EVA1A: variants seen among roughly 807,000 people sequenced by gnomAD.
EVA1A encodes the protein eva-1 homolog A, regulator of programmed cell death.
Under a neutral mutation model 9.8 loss-of-function variants are expected in EVA1A, and 7 were observed. The observed-to-expected ratio is 0.71, with a 90% CI of 0.41 to 1.34. The LOEUF is 1.34. Ranked by LOEUF, EVA1A falls within the 40% of genes most tolerant of loss-of-function variation. The pLI, the probability that EVA1A is intolerant of heterozygous loss-of-function variation, is 0.01. For synonymous variants in EVA1A, 90 were observed against 85.6 expected, an observed-to-expected ratio of 1.05 and a Z score of -0.28; for missense variants, 206 against 205.9, an observed-to-expected ratio of 1.00 and a Z score of 0.00.
At chr2:75,534,715 ACT>A (rs779812381) in intron 1 of EVA1A, among the ~76,000 whole-genome samples, 1 of 151,948 alleles carries the variant, frequency 6.6e-6, no homozygotes, top group Non-Finnish European at 1.5e-5. Context: ...GTTGTTTGTT[ACT>A]CTGTTAATAT....
intron 3 of EVA1A, among the ~76,000 whole-genome samples, chr2:75,504,160 C>G (rs1228124522): frequency 6.6e-6 from 1 of 152,070 alleles, no homozygotes; most frequent in Non-Finnish European, 1.5e-5. Context: ...GCCTGTAAAT[C>G]CAAGCACTTT....
upstream of EVA1A, among the ~76,000 whole-genome samples, chr2:75,562,291 A>G (rs1339830618): frequency 1.3e-5 from 2 of 152,118 alleles, no homozygotes. Context: ...CTCCACCCTC[A>G]CAAATATTTC....
intron 1 of EVA1A, among the ~76,000 whole-genome samples, chr2:75,543,909 C>T (rs1401147690): frequency 2.6e-5 from 4 of 152,188 alleles, no homozygotes; most frequent in Non-Finnish European, 5.9e-5. Flanking sequence ...CTTATTCTAA[C>T]ACAATGGAGG....
intron 3 of EVA1A, among the ~76,000 whole-genome samples, chr2:75,507,166 G>T (rs1674646072): frequency 6.6e-6 from 1 of 152,148 alleles, no homozygotes; most frequent in Admixed American, 6.5e-5. Context: ...GTGTGGAGGT[G>T]GATCTATGGA....
chr2:75,497,007 C>A (rs2103771549), intron 3 of EVA1A, among the ~76,000 whole-genome samples: 2 of 152,298 alleles, frequency 1.3e-5, no homozygotes, highest in Middle Eastern at 3.4e-3. Flanking sequence ...AACCTGGACT[C>A]CTTCTTTTTA....
At chr2:75,521,995 T>C (rs1035126502) in intron 2 of EVA1A, among the ~76,000 whole-genome samples, 1 of 152,202 alleles carries the variant, frequency 6.6e-6, no homozygotes, top group Non-Finnish European at 1.5e-5. Flanking sequence ...AATAAAATTC[T>C]AATTCATATC....
At chr2:75,494,789 G>A (rs1366548236) in intron 3 of EVA1A, among the ~76,000 whole-genome samples, 1 of 152,180 alleles carries the variant, frequency 6.6e-6, no homozygotes, top group Non-Finnish European at 1.5e-5. Context: ...TTTGTAAAAA[G>A]CAATAGTTGC....
chr2:75,554,443 G>A (rs1479859919), intron 1 of EVA1A, among the ~76,000 whole-genome samples: 2 of 152,166 alleles, frequency 1.3e-5, no homozygotes, highest in Non-Finnish European at 2.9e-5. Flanking sequence ...CTGGGGAGAA[G>A]GAAAGGGGGA....
At chr2:75,500,173 G>C (rs554964429) in intron 3 of EVA1A, among the ~76,000 whole-genome samples, 1 of 152,166 alleles carries the variant, frequency 6.6e-6, no homozygotes, top group African/African-American at 2.4e-5. Context: ...TGATGTCAAT[G>C]ACAGGAGGCA....
chr2:75,502,118 C>T (rs1348832808), intron 3 of EVA1A, among the ~76,000 whole-genome samples: 1 of 152,172 alleles, frequency 6.6e-6, no homozygotes, highest in Non-Finnish European at 1.5e-5. Context: ...AAGTGTGTAG[C>T]ATTAAAAGAA....
intron 1 of EVA1A, among the ~76,000 whole-genome samples, chr2:75,532,237 T>A (rs1255028932): frequency 1.7e-5 from 2 of 121,162 alleles, no homozygotes; most frequent in African/African-American, 5.6e-5. Context: ...ACGATTGAAA[T>A]AAAAAACATT....
chr2:75,551,067 G>A (rs923575581), intron 1 of EVA1A, among the ~76,000 whole-genome samples: 2 of 152,226 alleles, frequency 1.3e-5, no homozygotes, highest in East Asian at 1.9e-4. Flanking sequence ...AGGTTGCAGT[G>A]AGCCAAGATC....
intron 3 of EVA1A, chr2:75,517,818 C>T (rs1675069024): frequency 2.8e-6 from 2 of 722,214 alleles, no homozygotes; most frequent in Admixed American, 4.0e-5. Context: ...CTCACTTGAG[C>T]AGCTAAACAT....
Position 75,515,604 on chromosome 2 carries a change from A to C in EVA1A, c.85+2452T>G, listed in dbSNP as rs1309896708. Reference sequence around the variant, plus strand: ...TAAAATCCAGAGACCATCAGGCAAAACAAAAACAAAATATCAAATATTTTA... The same window carrying C: ...TAAAATCCAGAGACCATCAGGCAAACCAAAAACAAAATATCAAATATTTTA... On this transcript the variant is annotated intron_variant, in intron 3 of 3. Coordinates refer to ENST00000393913, the MANE Select transcript of EVA1A (RefSeq NM_001135032.2). Among the ~76,000 whole-genome samples the C allele has an allele frequency of 1.3e-5, 2 of 152,210 alleles. 1 individual carries two copies. The highest frequency in any genetic ancestry group is 4.1e-4 in the South Asian group (2 of 4,828).
intron 1 of EVA1A, among the ~76,000 whole-genome samples, chr2:75,546,864 C>A (rs184450965): frequency 7.2e-6 from 1 of 139,474 alleles, no homozygotes; most frequent in African/African-American, 2.7e-5. Flanking sequence ...ACACACACAG[C>A]GAAGATGATG....
chr2:75,520,777 T>C (rs947030784), intron 2 of EVA1A, among the ~76,000 whole-genome samples: 1 of 152,088 alleles, frequency 6.6e-6, no homozygotes, highest in Non-Finnish European at 1.5e-5. Flanking sequence ...ATTCATGACA[T>C]TGGATTTGAC....
intron 3 of EVA1A, among the ~76,000 whole-genome samples, chr2:75,496,842 A>G (rs533664848): frequency 1.3e-5 from 2 of 152,342 alleles, no homozygotes; most frequent in Non-Finnish European, 2.9e-5. Context: ...AAACCAACAC[A>G]TAGACCAATG....
At chr2:75,518,933 C>T (rs1427529195) in intron 2 of EVA1A, 2 of 913,456 alleles carry the variant, frequency 2.2e-6, no homozygotes, top group African/African-American at 1.8e-5. Flanking sequence ...AGAGCTCGAG[C>T]TGCTCCCTGC....
intron 3 of EVA1A, among the ~76,000 whole-genome samples, chr2:75,506,773 C>T (rs1237064447): frequency 6.6e-6 from 1 of 152,160 alleles, no homozygotes; most frequent in African/African-American, 2.4e-5. Flanking sequence ...CCAGAAGGTG[C>T]CCAGTGAAGT....
Sources: allele counts gnomAD v4.1 joint callset (sites outside exome capture counted in the v4.1 genomes callset), GRCh38; gene constraint gnomAD v4.1.1; transcripts MANE v1.5; gene names NCBI Gene and HGNC (gene_info 2026-07-23, HGNC 2026-07-21).